The following SLC39A6 variants were observed in gnomAD, a reference collection of about 807,000 sequenced individuals.
SLC39A6 encodes zinc transporter ZIP6.
A neutral mutation model predicts 63.5 loss-of-function variants in SLC39A6; 51 were observed. The observed-to-expected ratio is 0.80, with a 90% confidence interval of 0.64 to 1.01. SLC39A6 has a LOEUF of 1.01. Ranked by LOEUF, SLC39A6 falls within the 50% of genes least tolerant of loss-of-function variation. The pLI is 0.00. For synonymous variants in SLC39A6, 318 were observed against 324.7 expected (o/e 0.98, Z 0.22); for missense variants, 805 against 927.8 (o/e 0.87, Z 1.72).
chr18:36,122,526 CT>C (rs756826908), intron 4 of SLC39A6, among the ~76,000 whole-genome samples: 1 of 152,182 alleles, frequency 6.6e-6, no homozygotes, highest in Non-Finnish European at 1.5e-5. Context: ...ATTTTCAATG[CT>C]TGACGAATTA....
intron 6 of SLC39A6, among the ~76,000 whole-genome samples, chr18:36,114,743 TG>T (rs2089329791): frequency 6.6e-6 from 1 of 152,238 alleles, no homozygotes; most frequent in Non-Finnish European, 1.5e-5. Flanking sequence ...CAATTTCTTC[TG>T]CCTCCCTACC....
intron 8 of SLC39A6, among the ~76,000 whole-genome samples, chr18:36,111,927 CAT>C (rs1040551964): frequency 6.6e-6 from 1 of 152,136 alleles, no homozygotes; most frequent in African/African-American, 2.4e-5. Flanking sequence ...GGAGAACACA[CAT>C]GAGATGATCA....
At chr18:36,111,016 T>A in intron 9 of SLC39A6, 43 bp downstream of exon 9, 3 of 1,606,440 alleles carry the variant, frequency 1.9e-6, no homozygotes, top group Non-Finnish European at 2.6e-6. Flanking sequence ...TTTCTCTATT[T>A]TATTGTTGGT....
Position 36,122,260 on chromosome 18 carries a change from C to G in SLC39A6, c.1151G>C (p.Ser384Thr). The G allele has an allele frequency of 6.2e-7, 1 of 1,610,374 alleles. No homozygotes were observed. ...TTCATGGCTATGACTATGGTGGTGA[C>G]TTGCATGAGACTGAAGGCAAAATAA... ...FLHLLPHSHA[S>T]HHHSHSHEEP... Residue 384 changes from serine (S) to threonine (T), a missense_variant, in exon 5 of 10, where the codon AGT becomes ACT. By Grantham distance (58) the Ser-to-Thr change is moderately conservative. Coordinates refer to ENST00000269187, the MANE Select transcript of SLC39A6 (RefSeq NM_012319.4).
Position 36,111,127 on chromosome 18 carries a change from C to T in SLC39A6, c.2047G>A (p.Glu683Lys), listed in dbSNP as rs1388574792. ...ATGIFIGHYA[E>K]NVSMWIFALT... ...GCAAATATCCACATAGAAACATTTT[C>T]AGCATAATGACCAATGAAAATTCCT... is the stretch of plus-strand genomic sequence containing the variant. The change falls in exon 9 of 10, where the codon GAA becomes AAA. Residue 683 changes from glutamate to lysine, a missense_variant. This residue lies in a region of SLC39A6 where 145 missense variants were observed against 227.2 expected (regional missense o/e 0.64). Coordinates refer to ENST00000269187, the MANE Select transcript of SLC39A6 (RefSeq NM_012319.4). 2.5e-6 allele frequency: 4 copies of T among 1,614,092 alleles called. No individual in the cohort carries two copies. The East Asian group carries it at 6.7e-5, about 27-fold the overall frequency.
intron 2 of SLC39A6, among the ~76,000 whole-genome samples, chr18:36,124,908 C>A (rs1330021100): frequency 6.6e-6 from 1 of 152,190 alleles, no homozygotes; most frequent in East Asian, 1.9e-4. Flanking sequence ...TCTACCTCAT[C>A]AGAGAAGCAG....
Position 36,114,466 on chromosome 18 carries a change from C to G in SLC39A6, c.1474G>C (p.Gly492Arg), listed in dbSNP as rs2089327816. The change falls in exon 7 of 10, where the codon GGC becomes CGC. Residue 492 changes from glycine (G) to arginine (R), a missense_variant. This residue lies in a region of SLC39A6 where 639 missense variants were observed against 644.0 expected (regional missense o/e 0.99). Coordinates refer to ENST00000269187, the MANE Select transcript of SLC39A6 (RefSeq NM_012319.4). Reference sequence around the variant, plus strand: ...TCTTGTGAGTCTGCTCGTAAATAGCCTTCAGTTCCTAGGAATAAACATAAA... The same window carrying G: ...TCTTGTGAGTCTGCTCGTAAATAGCGTTCAGTTCCTAGGAATAAACATAAA... ...EKVDTDDRTE[G>R]YLRADSQEPS... is the part of the protein sequence containing the mutation. 6.2e-7 allele frequency: 1 copy of G among 1,609,186 alleles called. No individual in the cohort carries two copies. Among genetic ancestry groups the G allele is most frequent in the Admixed American group, 1.7e-5 (1 of 59,810 alleles).
chr18:36,112,033 G>A (rs2089305241), intron 8 of SLC39A6, among the ~76,000 whole-genome samples: 1 of 152,214 alleles, frequency 6.6e-6, no homozygotes, highest in African/African-American at 2.4e-5. Flanking sequence ...GGAAATAAGA[G>A]AGGGGCTTCA....
At position 36,114,366 on chromosome 18, in the gene SLC39A6, T is replaced by C. The variant is rs201536322; in HGVS notation, c.1574A>G (p.Gln525Arg). 1.0e-3 allele frequency: 1,674 copies of C among 1,614,266 alleles called. 1 individual carries two copies. Among genetic ancestry groups the C allele is most frequent in the Middle Eastern group, 2.5e-3 (15 of 6,062 alleles). ...EEVMIAHAHP[Q>R]EVYNEYVPRG... ...GGGTACATATTCATTGTAGACTTCCTGTGGATGAGCATGAGCTATCATGAC... is the reference window on the plus strand; with the variant it reads ...GGGTACATATTCATTGTAGACTTCCCGTGGATGAGCATGAGCTATCATGAC... Residue 525 changes from glutamine (Q) to arginine (R), a missense_variant, in exon 7 of 10, where the codon CAG (glutamine) becomes CGG (arginine). By Grantham distance (43) the Gln-to-Arg change is conservative. Transcript: ENST00000269187.
rs756321007 is a variant in SLC39A6 at position 36,114,160 on chromosome 18, T to C, written c.1780A>G (p.Thr594Ala). 6.2e-7 allele frequency: 1 copy of C among 1,614,016 alleles called. No homozygotes were observed. The change falls in exon 7 of 10, where the codon ACT (threonine) becomes GCT (alanine). Residue 594 changes from threonine to alanine, a missense_variant. Thr to Ala is a moderately conservative substitution (Grantham distance 58). Around this residue, in one of 4 missense-constraint regions of SLC39A6, gnomAD observed 145 missense variants for 227.2 expected, o/e 0.64. Coordinates refer to ENST00000269187, the MANE Select transcript of SLC39A6 (RefSeq NM_012319.4). The stretch of plus-strand genomic sequence containing the variant: ...CCCATTATCACCATCCAGGCCAGAG[T>C]GGCGACGCCGGCATCTTTCAGCTCC... ...REELKDAGVA[T>A]LAWMVIMGDG...
At chr18:36,110,452 A>G (rs950363928) in intron 9 of SLC39A6, among the ~76,000 whole-genome samples, 1 of 150,982 alleles carries the variant, frequency 6.6e-6, no homozygotes, top group Non-Finnish European at 1.5e-5. Context: ...AAAAAAAAAA[A>G]CTCTAAAGAA....
intron 5 of SLC39A6, 152 bp downstream of exon 5, chr18:36,121,900 T>C: frequency 1.7e-6 from 1 of 596,904 alleles, no homozygotes; most frequent in Non-Finnish European, 2.9e-6. Context: ...TCCTCATAAA[T>C]ATCTCTGGGA....
intron 1 of SLC39A6, among the ~76,000 whole-genome samples, chr18:36,127,524 G>A (rs1266165023): frequency 2.0e-5 from 3 of 150,844 alleles, no homozygotes; most frequent in Admixed American, 6.6e-5. Flanking sequence ...AAAAAAGAAC[G>A]AAATGAAATC....
intron 3 of SLC39A6, 145 bp downstream of exon 3, chr18:36,124,375 C>A (rs1026586853): frequency 3.3e-5 from 16 of 490,646 alleles, no homozygotes; most frequent in African/African-American, 7.8e-5. Context: ...CCCTTCCTTG[C>A]TTTCTTCACA....
In SLC39A6 at chr18:36,112,517, C is replaced by T. The variant is rs367720631; in HGVS notation, c.1908G>A (p.Glu636=). 58 of 1,612,886 alleles carry T rather than the reference C, an allele frequency of 3.6e-5. No homozygotes were observed. Among genetic ancestry groups the T allele is most frequent in the Middle Eastern group, 1.6e-4 (1 of 6,076 alleles). ...LSTSVAVFCH[E]LPHELGDFAV... ...TTCTCTTACCTAATTCATGAGGCAA[C>T]TCATGACAGAACACAGCAACAGAAG... The change falls in exon 8 of 10, where the codon GAG becomes GAA. Residue 636 remains glutamate, a synonymous_variant. Coordinates refer to ENST00000269187, the MANE Select transcript of SLC39A6 (RefSeq NM_012319.4).
At chr18:36,118,464 A>G (rs952114577) in intron 5 of SLC39A6, among the ~76,000 whole-genome samples, 3 of 152,234 alleles carry the variant, frequency 2.0e-5, no homozygotes, top group African/African-American at 7.2e-5. Context: ...CTGAAAAAAT[A>G]TAACTTATAC....
At chr18:36,116,258 G>A (rs986457038) in intron 6 of SLC39A6, among the ~76,000 whole-genome samples, 9 of 152,058 alleles carry the variant, frequency 5.9e-5, no homozygotes, top group South Asian at 2.1e-4. Context: ...AAGTATTTAG[G>A]AGTAAAGAAA....
At chr18:36,115,252 T>TA (rs2089334484) in intron 6 of SLC39A6, among the ~76,000 whole-genome samples, 1 of 151,952 alleles carries the variant, frequency 6.6e-6, no homozygotes, top group East Asian at 1.9e-4. Flanking sequence ...CCATCCTGGC[T>TA]AACATGGTGA....
At chr18:36,113,330 C>T (rs2144499074) in intron 7 of SLC39A6, among the ~76,000 whole-genome samples, 1 of 152,038 alleles carries the variant, frequency 6.6e-6, no homozygotes, top group East Asian at 1.9e-4. Context: ...AACTCCTGGG[C>T]TTAAGCGATC....
Sources: allele counts gnomAD v4.1 joint callset (sites outside exome capture counted in the v4.1 genomes callset), GRCh38; gene constraint gnomAD v4.1.1; regional missense constraint gnomAD v4.1.1; transcripts MANE v1.5; gene names NCBI Gene and HGNC (gene_info 2026-07-23, HGNC 2026-07-21).